TAF3: variants seen among roughly 807,000 people sequenced by gnomAD.
TAF3 encodes transcription initiation factor TFIID subunit 3.
In TAF3, 7 loss-of-function variants were observed where a neutral mutation model predicts 80.6. The observed-to-expected ratio is 0.09, with a 90% CI of 0.05 to 0.16. The LOEUF (loss-of-function observed/expected upper bound fraction) is 0.16. TAF3 is among the 10% of genes least tolerant of loss of function. The pLI, the probability that TAF3 is intolerant of heterozygous loss-of-function variation, is 1.00. For missense variants in TAF3, 921 were observed against 1,140.2 expected, an observed-to-expected ratio of 0.81 and a Z score of 2.77; for synonymous variants, 444 against 446.1, an observed-to-expected ratio of 1.00 and a Z score of 0.06.
intron 5 of TAF3, among the ~76,000 whole-genome samples, chr10:8,013,045 A>G (rs1417915617): frequency 6.6e-6 from 1 of 152,206 alleles, no homozygotes; most frequent in East Asian, 1.9e-4. Context: ...AGTTAAATAA[A>G]GTCAACTCTA....
At chr10:8,010,363 C>CA (rs1251935671) in intron 5 of TAF3, among the ~76,000 whole-genome samples, 8 of 152,252 alleles carry the variant, frequency 5.3e-5, no homozygotes, top group Middle Eastern at 3.4e-3. Context: ...ACAGTAATAT[C>CA]AATCTGTAAA....
chr10:7,973,398 C>CAA (rs1341543741), intron 3 of TAF3, among the ~76,000 whole-genome samples: 1 of 152,188 alleles, frequency 6.6e-6, no homozygotes, highest in African/African-American at 2.4e-5. Flanking sequence ...AATACCTCAT[C>CAA]ACTGATGACT....
intron 2 of TAF3, among the ~76,000 whole-genome samples, chr10:7,879,598 G>A (rs913852774): frequency 3.3e-5 from 5 of 152,092 alleles, no homozygotes; most frequent in East Asian, 1.9e-4. Flanking sequence ...TGTAAACACC[G>A]GCTCTTTTTG....
chr10:7,936,425 TC>T (rs1837920936), intron 2 of TAF3, among the ~76,000 whole-genome samples: 1 of 152,080 alleles, frequency 6.6e-6, no homozygotes. Flanking sequence ...GTCAGCAAAT[TC>T]TTTTAGAGTT....
intron 3 of TAF3, among the ~76,000 whole-genome samples, chr10:7,976,154 G>C (rs929315544): frequency 6.6e-6 from 1 of 152,138 alleles, no homozygotes; most frequent in East Asian, 1.9e-4. Context: ...GAACAGGTCA[G>C]ATCTTTCTGA....
At chr10:7,930,794 A>G (rs1007520413) in intron 2 of TAF3, among the ~76,000 whole-genome samples, 10 of 152,072 alleles carry the variant, frequency 6.6e-5, no homozygotes, top group Admixed American at 2.0e-4. Flanking sequence ...TTCTGTTATC[A>G]CTACAAAAGT....
At chr10:7,895,057 G>A (rs1837492805) in intron 2 of TAF3, among the ~76,000 whole-genome samples, 1 of 152,154 alleles carries the variant, frequency 6.6e-6, no homozygotes, top group Admixed American at 6.5e-5. Flanking sequence ...TGTATTTTTA[G>A]TAGAGACAGA....
chr10:7,862,610 T>C (rs1837158916), intron 2 of TAF3, among the ~76,000 whole-genome samples: 1 of 152,224 alleles, frequency 6.6e-6, no homozygotes, highest in Admixed American at 6.5e-5. Context: ...ATTGTCACAG[T>C]CAAAATTATG....
At chr10:7,847,803 T>A (rs1836986440) in intron 2 of TAF3, among the ~76,000 whole-genome samples, 1 of 152,196 alleles carries the variant, frequency 6.6e-6, no homozygotes, top group Admixed American at 6.5e-5. Flanking sequence ...AGTTTCGCTC[T>A]GTCTTCCAGG....
intron 3 of TAF3, among the ~76,000 whole-genome samples, chr10:7,968,371 T>C (rs1385053388): frequency 6.6e-6 from 1 of 152,198 alleles, no homozygotes; most frequent in African/African-American, 2.4e-5. Flanking sequence ...TTTTACCTGC[T>C]TATAAAGCTG....
intron 3 of TAF3, among the ~76,000 whole-genome samples, chr10:7,972,153 C>CT (rs1161663677): frequency 6.6e-6 from 1 of 152,134 alleles, no homozygotes; most frequent in Non-Finnish European, 1.5e-5. Context: ...GTCATGTTGT[C>CT]TAAGTGATTG....
intron 2 of TAF3, among the ~76,000 whole-genome samples, chr10:7,876,793 C>A (rs544511361): frequency 6.6e-6 from 1 of 152,236 alleles, no homozygotes; most frequent in African/African-American, 2.4e-5. Context: ...TTTCTTCCAT[C>A]TATTAAAACT....
intron 2 of TAF3, among the ~76,000 whole-genome samples, chr10:7,869,093 A>T (rs1187925065): frequency 6.6e-6 from 1 of 152,218 alleles, no homozygotes; most frequent in African/African-American, 2.4e-5. Flanking sequence ...TAAAGATTTC[A>T]CATTATATTC....
chr10:7,833,945 C>A, intron 2 of TAF3: 2 of 373,508 alleles, frequency 5.4e-6, no homozygotes, highest in Non-Finnish European at 9.1e-6. Flanking sequence ...TTGCCATTCC[C>A]GCTGGGCACC....
chr10:7,902,393 A>T (rs575381752), intron 2 of TAF3, among the ~76,000 whole-genome samples: 1,665 of 152,220 alleles, frequency 0.011, 18 homozygotes, highest in Middle Eastern at 0.031. Flanking sequence ...ACTGCACTCT[A>T]GCCTGGGCAA....
intron 2 of TAF3, among the ~76,000 whole-genome samples, chr10:7,957,577 C>T (rs922517785): frequency 1.3e-5 from 2 of 151,926 alleles, no homozygotes; most frequent in Non-Finnish European, 2.9e-5. Flanking sequence ...GGAACTAATG[C>T]GCCAAGAAGA....
intron 2 of TAF3, among the ~76,000 whole-genome samples, chr10:7,899,774 A>G (rs984538755): frequency 3.3e-5 from 5 of 152,244 alleles, no homozygotes; most frequent in African/African-American, 7.2e-5. Flanking sequence ...CACGTTAGGG[A>G]TGTGCTCTAT....
intron 2 of TAF3, among the ~76,000 whole-genome samples, chr10:7,963,023 T>C (rs1012652716): frequency 1.3e-5 from 2 of 152,198 alleles, no homozygotes; most frequent in Non-Finnish European, 2.9e-5. Context: ...AGAGAGTCCC[T>C]AAGGCTGGTT....
At chr10:7,828,759 C>T (rs931080363) in intron 2 of TAF3, among the ~76,000 whole-genome samples, 3 of 151,902 alleles carry the variant, frequency 2.0e-5, no homozygotes, top group South Asian at 2.1e-4. Flanking sequence ...ATAGGCTGGG[C>T]GCAGTGGCTC....
Sources: gnomAD v4.1 joint callset for allele counts (sites outside exome capture counted in the v4.1 genomes callset) on GRCh38, gnomAD v4.1.1 for gene constraint, MANE v1.5 for transcripts, NCBI Gene and HGNC (gene_info 2026-07-23, HGNC 2026-07-21) for gene names.